The following NHLRC2 variants were observed in gnomAD, a reference collection of about 807,000 sequenced individuals.
The protein encoded by NHLRC2 is NHL repeat containing 2.
A neutral mutation model predicts 68.1 loss-of-function variants in NHLRC2; 33 were observed. The observed-to-expected ratio is 0.48, with a 90% CI of 0.37 to 0.65. The LOEUF (loss-of-function observed/expected upper bound fraction) is 0.65, where lower values mean the gene tolerates loss of function less well. NHLRC2 is among the 30% of genes least tolerant of loss of function. The pLI is 0.00. For missense variants in NHLRC2, 761 were observed against 853.8 expected, an observed-to-expected ratio of 0.89 and a Z score of 1.35; for synonymous variants, 311 against 309.6, an observed-to-expected ratio of 1.00 and a Z score of -0.05.
chr10:113,871,062 T>C (rs1298457229), intron 2 of NHLRC2, among the ~76,000 whole-genome samples: 1 of 150,656 alleles, frequency 6.6e-6, no homozygotes, highest in Non-Finnish European at 1.5e-5. Context: ...TTTGTTCTTA[T>C]TGCCCAGGCT....
At chr10:113,874,771 T>C (rs533568793) in intron 2 of NHLRC2, among the ~76,000 whole-genome samples, 41 of 152,228 alleles carry the variant, frequency 2.7e-4, no homozygotes, top group African/African-American at 9.4e-4. Context: ...TTATGTTCTT[T>C]AGATTGGATT....
chr10:113,908,645 C>T lies in NHLRC2; in HGVS notation c.*109C>T. 3 of 976,534 alleles carry T rather than the reference C, an allele frequency of 3.1e-6. No homozygotes were observed. The highest frequency in any genetic ancestry group is 4.6e-6 in the Non-Finnish European group (3 of 647,544). 60.5% of individuals were successfully genotyped at this position (976,534 alleles called of 1,614,324 possible). On this transcript the variant is annotated 3_prime_UTR_variant, in exon 11 of 11. Transcript: ENST00000369301. ...AGTTCTGCCTCTGGATACCAAGATG[C>T]CCATTGCTCAGTTCAGACAACTGAT...
In NHLRC2 at chr10:113,863,711, C is replaced by T. The variant is rs373450306; in HGVS notation, c.331+5031C>T. 2.6e-5 allele frequency among the ~76,000 whole-genome samples: 4 copies of T among 151,962 alleles called. No individual in the cohort carries two copies. The South Asian group carries it at 8.3e-4, about 32-fold the overall frequency. On this transcript the variant is annotated intron_variant, in intron 2 of 10. Transcript: ENST00000369301. ...GTTCTCTAAAAGTACCAGAAAAATT[C>T]CTAGACCTTTAGCTAGCTAGACTAA...
At chr10:113,866,146 TA>T (rs1444708083) in intron 2 of NHLRC2, among the ~76,000 whole-genome samples, 1 of 152,228 alleles carries the variant, frequency 6.6e-6, no homozygotes, top group African/African-American at 2.4e-5. Context: ...AGGTTTGTAA[TA>T]GGGGCCAGTG....
Position 113,915,303 on chromosome 10 carries a change from A to G in NHLRC2, c.*6767A>G, listed in dbSNP as rs1462524482. 2.2e-6 allele frequency: 1 copy of G among 450,192 alleles called. No individual in the cohort carries two copies. The highest frequency in any genetic ancestry group is 3.3e-4 in the Middle Eastern group (1 of 3,032). 27.9% of individuals were successfully genotyped at this position (450,192 alleles called of 1,614,324 possible). A position where few individuals can be genotyped will look rare whatever the true frequency, so the allele number is the denominator to read the frequency against. On this transcript the variant is annotated 3_prime_UTR_variant, in exon 11 of 11. Transcript: ENST00000369301. ...ATATACTAAAAAGCACTAAACAAGC[A>G]CAAATGAACACTAAATAGCCTTATA...
chr10:113,876,165 A>C (rs948026033), intron 2 of NHLRC2, among the ~76,000 whole-genome samples: 1 of 151,890 alleles, frequency 6.6e-6, no homozygotes, highest in African/African-American at 2.4e-5. Context: ...AGGCATAGTC[A>C]ACTCTGAATT....
At chr10:113,902,340 A>T (rs753471356) in intron 7 of NHLRC2, 131 bp from the exon 8 acceptor site, 2 of 632,224 alleles carry the variant, frequency 3.2e-6, no homozygotes, top group Admixed American at 6.2e-5. Flanking sequence ...AACCCTATTT[A>T]TATGAAAATC....
At chr10:113,903,786 C>G (rs1349518213) in intron 9 of NHLRC2, 50 bp downstream of exon 9, 1 of 1,074,918 alleles carries the variant, frequency 9.3e-7, no homozygotes, top group African/African-American at 1.6e-5. Context: ...AAGAATGATA[C>G]TAAGATCCTC....
chr10:113,890,107 G>T (rs1017349071), intron 5 of NHLRC2, among the ~76,000 whole-genome samples: 3 of 152,218 alleles, frequency 2.0e-5, no homozygotes, highest in African/African-American at 7.2e-5. Context: ...GAAACTGCCA[G>T]ACTGTTTTCC....
rs79537258 is a variant in NHLRC2, at chr10:113,899,618, G to T, written c.1139+1409G>T. Among the ~76,000 whole-genome samples, 1,328 of 152,242 alleles carry T rather than the reference G, an allele frequency of 8.7e-3. 21 individuals carry two copies. The highest frequency in any genetic ancestry group is 0.03 in the African/African-American group (1,266 of 41,550). On this transcript the variant is annotated intron_variant, in intron 6 of 10. Transcript: ENST00000369301. ...AAAGTTAGTGTGTGCAAAAGGAATC[G>T]CTGCAAATTGAAATTGTTCGGCTGG...
intron 4 of NHLRC2, among the ~76,000 whole-genome samples, chr10:113,882,912 A>G (rs1846047884): frequency 6.6e-6 from 1 of 151,812 alleles, no homozygotes; most frequent in Non-Finnish European, 1.5e-5. Flanking sequence ...ACATGTGGAT[A>G]TACAGTTACC....
chr10:113,858,586 A>AATAGTCGTCC lies in NHLRC2; in HGVS notation c.238_247dup (p.Leu83HisfsTer5). On this transcript the variant is annotated frameshift_variant, in exon 2 of 11. Coordinates refer to ENST00000369301, the MANE Select transcript of NHLRC2 (RefSeq NM_198514.4). LOFTEE classifies it high-confidence loss of function. ...CTGTCTACAAGGATCTATGTGGAAA[A>AATAGTCGTCC]ATAGTCGTCCTTGATTTCTTCACCT... is the stretch of plus-strand genomic sequence containing the variant. 6.2e-7 allele frequency: 1 copy of AATAGTCGTCC among 1,610,586 alleles called. No homozygotes were observed. Among genetic ancestry groups the AATAGTCGTCC allele is most frequent in the Non-Finnish European group, 8.5e-7 (1 of 1,176,838 alleles).
chr10:113,891,251 C>A (rs1454850077), intron 5 of NHLRC2, among the ~76,000 whole-genome samples: 1 of 152,136 alleles, frequency 6.6e-6, no homozygotes, highest in Non-Finnish European at 1.5e-5. Context: ...GGTGTGTTGA[C>A]CACCTTTTTC....
chr10:113,894,199 A>C (rs1846157443), intron 5 of NHLRC2, among the ~76,000 whole-genome samples: 1 of 152,150 alleles, frequency 6.6e-6, no homozygotes, highest in Non-Finnish European at 1.5e-5. Flanking sequence ...GAGTCCTTTT[A>C]TTTTCATTTA....
chr10:113,893,166 G>C (rs1163807091), intron 5 of NHLRC2, among the ~76,000 whole-genome samples: 2 of 152,166 alleles, frequency 1.3e-5, no homozygotes, highest in African/African-American at 4.8e-5. Flanking sequence ...GCATCCCGGA[G>C]TAGGAGGCTG....
intron 2 of NHLRC2, among the ~76,000 whole-genome samples, chr10:113,868,440 A>G (rs146244198): frequency 5.3e-5 from 8 of 152,344 alleles, no homozygotes; most frequent in Non-Finnish European, 8.8e-5. Context: ...AAATCTGCAT[A>G]TTGAGGTTCT....
At chr10:113,893,635 C>G (rs1310343898) in intron 5 of NHLRC2, among the ~76,000 whole-genome samples, 1 of 152,140 alleles carries the variant, frequency 6.6e-6, no homozygotes, top group Non-Finnish European at 1.5e-5. Context: ...TTTTCTCTTT[C>G]CTCGGGCATC....
rs1479048672 is a variant in NHLRC2, at chr10:113,858,695, A to G, written c.331+15A>G. ...CTCTGATAAAGGTATCTGCTCTTTA[A>G]TTAGTTTCTAACAGACTGTCCTGGC... On this transcript the variant is annotated intron_variant, in intron 2 of 10. Transcript: ENST00000369301. The G allele has an allele frequency of 6.3e-7, 1 of 1,596,350 alleles. No individual in the cohort carries two copies.
chr10:113,859,847 T>TCTCC (rs1845799563), intron 2 of NHLRC2, among the ~76,000 whole-genome samples: 1 of 152,162 alleles, frequency 6.6e-6, no homozygotes, highest in Non-Finnish European at 1.5e-5. Flanking sequence ...TTGGAAAAGA[T>TCTCC]TTCTCAGAGA....
Sources: allele counts gnomAD v4.1 joint callset (sites outside exome capture counted in the v4.1 genomes callset), GRCh38; gene constraint gnomAD v4.1.1; transcripts MANE v1.5; gene names NCBI Gene and HGNC (gene_info 2026-07-23, HGNC 2026-07-21).